Variants in CEP44 observed in about 807,000 individuals in gnomAD.
CEP44 encodes the protein centrosomal protein of 44 kDa.
In CEP44, 45 loss-of-function variants were observed where a neutral mutation model predicts 46.7. The observed-to-expected ratio is 0.96, with a 90% CI of 0.76 to 1.24. CEP44 has a LOEUF of 1.24. CEP44 is among the 50% of genes most tolerant of loss of function. CEP44 has a pLI of 0.00. For missense variants in CEP44, 475 were observed against 459.7 expected, an observed-to-expected ratio of 1.03 and a Z score of -0.30; for synonymous variants, 142 against 146.0, an observed-to-expected ratio of 0.97 and a Z score of 0.20.
In CEP44 at chr4:174,287,320, C is replaced by T. The variant is rs1179160947; in HGVS notation, c.-148+3377C>T. On this transcript the variant is annotated intron_variant, in intron 1 of 11. Coordinates refer to ENST00000503780, the MANE Select transcript of CEP44 (RefSeq NM_001040157.3). The surrounding 1 kb of genome is among the most constrained non-coding windows in gnomAD (Gnocchi z 5.1). ...TGATAAGTACCAAGAAGGAAAAGAA[C>T]TGGGTCTATTAGAGAAAATTAATGA... Among the ~76,000 whole-genome samples, 1 of 152,086 alleles carries T rather than the reference C, an allele frequency of 6.6e-6. No homozygotes were observed. Among genetic ancestry groups the T allele is most frequent in the Non-Finnish European group, 1.5e-5 (1 of 68,006 alleles).
chr4:174,328,591 G>A (rs993810206), intron 8 of CEP44, among the ~76,000 whole-genome samples: 3 of 152,180 alleles, frequency 2.0e-5, no homozygotes, highest in Non-Finnish European at 4.4e-5. Context: ...GGACTTTTCA[G>A]TTCCATGAAG....
At position 174,317,588 on chromosome 4, in the gene CEP44, T is replaced by G; in HGVS notation, c.*205T>G. The G allele has an allele frequency of 3.5e-6, 1 of 284,018 alleles. No homozygotes were observed. The highest frequency in any genetic ancestry group is 5.4e-6 in the Non-Finnish European group (1 of 186,442). The allele number at this position is 284,018 out of a possible 1,614,324, so 17.6% of individuals were successfully genotyped here. On this transcript the variant is annotated 3_prime_UTR_variant, in exon 12 of 12. Transcript: ENST00000503780. ...ATTATACTGCTTTACCTTGTGTCAC[T>G]TTTTTTTTTTTTAGGAAAAACTCAT... is the stretch of plus-strand genomic sequence containing the variant.
intron 8 of CEP44, among the ~76,000 whole-genome samples, chr4:174,327,412 A>C (rs1414950865): frequency 6.6e-6 from 1 of 151,940 alleles, no homozygotes; most frequent in Non-Finnish European, 1.5e-5. Context: ...AGTAATCTCA[A>C]AGTCTTGACA....
intron 11 of CEP44, 53 bp from the exon 12 acceptor site, chr4:174,317,282 A>C: frequency 1.4e-6 from 1 of 727,834 alleles, no homozygotes; most frequent in Non-Finnish European, 2.0e-6. Flanking sequence ...CTAAAATGCT[A>C]TGCTTTATTA....
intron 3 of CEP44, among the ~76,000 whole-genome samples, chr4:174,300,899 A>G (rs1739631226): frequency 6.6e-6 from 1 of 152,104 alleles, no homozygotes; most frequent in Non-Finnish European, 1.5e-5. Flanking sequence ...GTGCCTGGCT[A>G]TCATCTATGT....
chr4:174,319,561 C>A lies in CEP44; in HGVS notation c.*2178C>A. 1.2e-6 allele frequency: 1 copy of A among 812,514 alleles called. No individual in the cohort carries two copies. The highest frequency in any genetic ancestry group is 1.5e-6 in the Non-Finnish European group (1 of 672,636). The allele number at this position is 812,514 out of a possible 1,614,324, so 50.3% of individuals were successfully genotyped here. On this transcript the variant is annotated 3_prime_UTR_variant, in exon 12 of 12. Coordinates refer to ENST00000503780, the MANE Select transcript of CEP44 (RefSeq NM_001040157.3). ...TCTTTATATAGTGCAGATATACACA[C>A]AGAGAAGGGACTTAAAACATTTCTA...
rs1648563844 is a variant in CEP44 at position 174,309,507 on chromosome 4, G to C, written c.679-343G>C. ...TGTTGTTTTTGGTCATTTCCTCTTA[G>C]CTTTGTGCTAAGCGTTGTTTCAAGA... On this transcript the variant is annotated intron_variant, in intron 7 of 11. Coordinates refer to ENST00000503780, the MANE Select transcript of CEP44 (RefSeq NM_001040157.3). The surrounding 1 kb of genome is among the most constrained non-coding windows in gnomAD (Gnocchi z 5.3). 6.6e-6 allele frequency among the ~76,000 whole-genome samples: 1 copy of C among 151,896 alleles called. No individual in the cohort carries two copies. Among genetic ancestry groups the C allele is most frequent in the African/African-American group, 2.4e-5 (1 of 41,374 alleles).
At chr4:174,315,157 G>C (rs1741514228) in intron 9 of CEP44, among the ~76,000 whole-genome samples, 1 of 151,798 alleles carries the variant, frequency 6.6e-6, no homozygotes, top group Non-Finnish European at 1.5e-5. Context: ...GTAATAGTTT[G>C]TTCCCCAATT....
chr4:174,320,301 A>G lies in CEP44; in HGVS notation c.*2918A>G, dbSNP rs895349947. 1 of 978,352 alleles carries G rather than the reference A, an allele frequency of 1.0e-6. No homozygotes were observed. The highest frequency in any genetic ancestry group is 1.8e-5 in the African/African-American group (1 of 57,106). The allele number at this position is 978,352 out of a possible 1,614,324, so 60.6% of individuals were successfully genotyped here. ...TGTTTTTAATGTGATGTTGTAATAT[A>G]TTTTAAAAATAAAACTTGAAAACGT... is the stretch of plus-strand genomic sequence containing the variant. On this transcript the variant is annotated 3_prime_UTR_variant, in exon 12 of 12. Transcript: ENST00000503780.
downstream of CEP44, among the ~76,000 whole-genome samples, chr4:174,321,361 G>C (rs996118294): frequency 1.3e-4 from 20 of 152,062 alleles, no homozygotes; most frequent in African/African-American, 3.6e-4. Flanking sequence ...CCTTTGGTTA[G>C]CGTTTTAGGG....
rs1431997019 is a variant in CEP44 at position 174,303,827 on chromosome 4, A to C, written c.362A>C (p.Lys121Thr). ...DILNCVMKKH[K>T]ELSSLQKIPS... is the part of the protein sequence containing the mutation. ...TTGAATTGTGTGATGAAAAAGCACAAGGAATTAAGCAGTCTTCAGAAGGTA... is the reference window on the plus strand; with the variant it reads ...TTGAATTGTGTGATGAAAAAGCACACGGAATTAAGCAGTCTTCAGAAGGTA... Residue 121 changes from lysine (K) to threonine (T), a missense_variant, in exon 5 of 12, where the codon AAG (lysine) becomes ACG (threonine). Coordinates refer to ENST00000503780, the MANE Select transcript of CEP44 (RefSeq NM_001040157.3). The C allele has an allele frequency of 6.4e-7, 1 of 1,571,136 alleles. No individual in the cohort carries two copies. Among genetic ancestry groups the C allele is most frequent in the African/African-American group, 1.3e-5 (1 of 74,548 alleles).
rs537515688 is a variant in CEP44 at position 174,319,794 on chromosome 4, AT to A, written c.*2416del. 2.3e-3 allele frequency: 2,216 copies of A among 961,840 alleles called. 36 individuals are homozygous for A. The African/African-American group carries it at 0.036, about 16-fold the overall frequency. 59.6% of individuals were successfully genotyped at this position (961,840 alleles called of 1,614,324 possible). On this transcript the variant is annotated 3_prime_UTR_variant, in exon 12 of 12. Coordinates refer to ENST00000503780, the MANE Select transcript of CEP44 (RefSeq NM_001040157.3). The stretch of plus-strand genomic sequence containing the variant: ...AAAGAGTCTTTATCTAGACAACATA[AT>A]TTTTGGAAAAATAAAGCAAATTCAA...
rs977142571 is a variant in CEP44 at position 174,311,903 on chromosome 4, C to A, written c.961+1045C>A. On this transcript the variant is annotated intron_variant, in intron 9 of 11. Coordinates refer to ENST00000503780, the MANE Select transcript of CEP44 (RefSeq NM_001040157.3). This position sits in a 1 kb window ranked among gnomAD's most constrained non-coding sequence, Gnocchi z 4.4. ...TTGTTAAGTATAATTATTTGAGATG[C>A]TATTTAAGGCAACTAAATTTATTAT... Among the ~76,000 whole-genome samples, 1 of 152,102 alleles carries A rather than the reference C, an allele frequency of 6.6e-6. No individual in the cohort carries two copies. Among genetic ancestry groups the A allele is most frequent in the African/African-American group, 2.4e-5 (1 of 41,420 alleles).
chr4:174,317,089 T>C (rs112806630), intron 11 of CEP44, among the ~76,000 whole-genome samples: 96 of 152,132 alleles, frequency 6.3e-4, no homozygotes, highest in African/African-American at 2.3e-3. Flanking sequence ...CCTACTACTA[T>C]AGAAAATTAT....
chr4:174,317,983 C>G lies in CEP44; in HGVS notation c.*600C>G. 1.0e-6 allele frequency: 1 copy of G among 985,122 alleles called. No individual in the cohort carries two copies. Among genetic ancestry groups the G allele is most frequent in the Non-Finnish European group, 1.2e-6 (1 of 829,712 alleles). 61.0% of individuals were successfully genotyped at this position (985,122 alleles called of 1,614,324 possible). On this transcript the variant is annotated 3_prime_UTR_variant, in exon 12 of 12. Transcript: ENST00000503780. ...GGGAAACAGGCTGGAGGACTATGGT[C>G]CTCAAGTTTAGACCAAGAGGACTAT...
At position 174,301,434 on chromosome 4, in the gene CEP44, T is replaced by G. The variant is rs561000261; in HGVS notation, c.90-605T>G. On this transcript the variant is annotated intron_variant, in intron 3 of 11. Transcript: ENST00000503780. The surrounding 1 kb of genome is among the most constrained non-coding windows in gnomAD (Gnocchi z 4.3). ...GGGAAGCTTGAGATTTGATGAATGA[T>G]TTGTAAAAAATAAATAATAATTGGA... Among the ~76,000 whole-genome samples, 3 of 152,092 alleles carry G rather than the reference T, an allele frequency of 2.0e-5. No individual in the cohort carries two copies. The highest frequency in any genetic ancestry group is 4.8e-5 in the African/African-American group (2 of 41,426).
intron 8 of CEP44, among the ~76,000 whole-genome samples, chr4:174,328,639 C>T (rs2096384289): frequency 6.6e-6 from 1 of 152,118 alleles, no homozygotes; most frequent in Admixed American, 6.5e-5. Context: ...AGAAAATTGT[C>T]TGTAATTTTT....
Position 174,317,629 on chromosome 4 carries a change from T to C in CEP44, c.*246T>C. Reference sequence around the variant, plus strand: ...AAAAACTCATGTTCCAGTATATTTCTCTTACAGAGTGAAGTCATTACAGCA... The same window carrying C: ...AAAAACTCATGTTCCAGTATATTTCCCTTACAGAGTGAAGTCATTACAGCA... On this transcript the variant is annotated 3_prime_UTR_variant, in exon 12 of 12. Transcript: ENST00000503780. 1 of 1,057,908 alleles carries C rather than the reference T, an allele frequency of 9.5e-7. No homozygotes were observed. The highest frequency in any genetic ancestry group is 1.1e-6 in the Non-Finnish European group (1 of 874,472). The allele number at this position is 1,057,908 out of a possible 1,614,324, so 65.5% of individuals were successfully genotyped here. A position where few individuals can be genotyped will look rare whatever the true frequency, so the allele number is the denominator to read the frequency against.
intron 1 of CEP44, among the ~76,000 whole-genome samples, chr4:174,293,212 G>A (rs1412056047): frequency 1.3e-5 from 2 of 152,226 alleles, no homozygotes; most frequent in East Asian, 1.9e-4. Context: ...GTGAGACCTT[G>A]GACAGGTGAG....
Sources: gnomAD v4.1 joint callset for allele counts (sites outside exome capture counted in the v4.1 genomes callset) on GRCh38, gnomAD v4.1.1 for gene constraint, Gnocchi (gnomAD v3.1) non-coding constraint, MANE v1.5 for transcripts, NCBI Gene and HGNC (gene_info 2026-07-23, HGNC 2026-07-21) for gene names.